CTNNA1: variants seen among roughly 807,000 people sequenced by gnomAD.
The protein encoded by CTNNA1 is catenin alpha-1.
In CTNNA1, 37 loss-of-function variants were observed where a neutral mutation model predicts 98.4. The ratio of observed to expected loss-of-function variants is 0.38; its 90% confidence interval spans 0.29 to 0.49. The LOEUF (loss-of-function observed/expected upper bound fraction) is 0.49, where lower values mean the gene tolerates loss of function less well. CTNNA1 is among the 20% of genes least tolerant of loss of function. The pLI, the probability that CTNNA1 is intolerant of heterozygous loss-of-function variation, is 0.95. For synonymous variants in CTNNA1, 404 were observed against 413.2 expected, an observed-to-expected ratio of 0.98 and a Z score of 0.27; for missense variants, 761 against 1,147.2, an observed-to-expected ratio of 0.66 and a Z score of 4.86.
chr5:138,921,683 C>CT (rs1343964490), intron 11 of CTNNA1, among the ~76,000 whole-genome samples: 1 of 143,448 alleles, frequency 7.0e-6, no homozygotes, highest in Non-Finnish European at 1.5e-5. Flanking sequence ...TCACTGCAGT[C>CT]TCTGCCTCCC....
At chr5:138,814,615 T>C (rs1561553402) in intron 5 of CTNNA1, among the ~76,000 whole-genome samples, 1 of 152,236 alleles carries the variant, frequency 6.6e-6, no homozygotes, top group East Asian at 1.9e-4. Context: ...AAAGATACAA[T>C]TTGGCAAATA....
rs375006246 is a variant in CTNNA1, at chr5:138,783,247, A to G, written c.176A>G (p.His59Arg). 4.3e-6 allele frequency: 7 copies of G among 1,614,064 alleles called. No individual in the cohort carries two copies. The highest frequency in any genetic ancestry group is 2.7e-5 in the African/African-American group (2 of 74,950). Residue 59 changes from histidine to arginine, a missense_variant, in exon 3 of 18, where the codon CAT (histidine) becomes CGT (arginine). By Grantham distance (29) the His-to-Arg change is conservative. Around this residue, in one of 6 missense-constraint regions of CTNNA1, gnomAD observed 328 missense variants for 354.3 expected, o/e 0.93. Coordinates refer to ENST00000302763, the MANE Select transcript of CTNNA1 (RefSeq NM_001903.5). The part of the protein sequence containing the change: ...NKKRGRSKKA[H>R]VLAASVEQAT... Reference sequence around the variant, plus strand: ...AAGAGAGGTCGTTCTAAGAAGGCCCATGTTTTGGCTGCATCTGTTGAACAA... The same window carrying G: ...AAGAGAGGTCGTTCTAAGAAGGCCCGTGTTTTGGCTGCATCTGTTGAACAA...
At chr5:138,911,787 G>T (rs192745669) in intron 10 of CTNNA1, among the ~76,000 whole-genome samples, 1 of 152,304 alleles carries the variant, frequency 6.6e-6, no homozygotes, top group African/African-American at 2.4e-5. Context: ...AAAACAGATG[G>T]TATTGTACTA....
chr5:138,871,281 G>A (rs1402355507), intron 7 of CTNNA1: 4 of 152,152 alleles, frequency 2.6e-5, no homozygotes, highest in African/African-American at 9.7e-5. Context: ...TCTACATACA[G>A]TAAATGGCAG....
At chr5:138,817,699 A>G (rs972875294) in intron 5 of CTNNA1, among the ~76,000 whole-genome samples, 5 of 151,828 alleles carry the variant, frequency 3.3e-5, no homozygotes, top group Admixed American at 2.6e-4. Flanking sequence ...AAATCTTTTG[A>G]AACTTTCTAT....
chr5:138,771,219 T>G (rs1028192580), intron 1 of CTNNA1, among the ~76,000 whole-genome samples: 3 of 151,966 alleles, frequency 2.0e-5, no homozygotes, highest in African/African-American at 4.8e-5. Context: ...AATTTTTTTT[T>G]TTTGTTTACT....
chr5:138,800,799 G>A (rs558338425), intron 3 of CTNNA1, among the ~76,000 whole-genome samples: 41 of 151,596 alleles, frequency 2.7e-4, no homozygotes, highest in Middle Eastern at 6.8e-3. Context: ...GCAAAACTCC[G>A]TCTAAAAAAA....
intron 9 of CTNNA1, among the ~76,000 whole-genome samples, chr5:138,890,926 C>T (rs976709662): frequency 6.6e-6 from 1 of 152,164 alleles, no homozygotes; most frequent in Non-Finnish European, 1.5e-5. Context: ...TATATAATAC[C>T]TCCCCATCTT....
intron 7 of CTNNA1, chr5:138,880,798 G>T (rs1298640482): frequency 9.5e-6 from 3 of 314,586 alleles, no homozygotes; most frequent in Non-Finnish European, 1.9e-5. Context: ...TGACCCAGTT[G>T]TCTAAATTTA....
chr5:138,839,652 A>T (rs896014540), intron 7 of CTNNA1, among the ~76,000 whole-genome samples: 3 of 152,150 alleles, frequency 2.0e-5, no homozygotes, highest in African/African-American at 7.2e-5. Flanking sequence ...TCCAACTTTA[A>T]TTGTAGATTC....
chr5:138,913,058 C>CT (rs35292208), intron 10 of CTNNA1, among the ~76,000 whole-genome samples: 46 of 146,266 alleles, frequency 3.1e-4, no homozygotes, highest in East Asian at 1.5e-3. Context: ...ACTGAAGTGA[C>CT]TTTTTTTTTT....
chr5:138,892,973 G>A (rs288009), intron 9 of CTNNA1, among the ~76,000 whole-genome samples: 39,213 of 152,002 alleles, frequency 0.26, 5,345 homozygotes, highest in Middle Eastern at 0.31. Flanking sequence ...CAGAGATCGC[G>A]CCGCTGCTCT....
intron 3 of CTNNA1, among the ~76,000 whole-genome samples, chr5:138,793,258 C>T (rs926616278): frequency 6.6e-6 from 1 of 152,208 alleles, no homozygotes; most frequent in Non-Finnish European, 1.5e-5. Flanking sequence ...GTCTGCCTGA[C>T]TTAAACTATA....
At position 138,763,566 on chromosome 5, in the gene CTNNA1, A is replaced by C. The variant is rs180776928; in HGVS notation, c.-3+10056A>C. On this transcript the variant is annotated intron_variant, in intron 1 of 17. Transcript: ENST00000302763. ...CCATATTGCTTAGGCTGATCTTTGAACTCCTGAACTCAAGCGATCTGCCCA... is the reference window on the plus strand; with the variant it reads ...CCATATTGCTTAGGCTGATCTTTGACCTCCTGAACTCAAGCGATCTGCCCA... Among the ~76,000 whole-genome samples the C allele has an allele frequency of 9.8e-4, 149 of 151,992 alleles. 1 individual carries two copies. The highest frequency in any genetic ancestry group is 3.1e-4 in the Non-Finnish European group (21 of 67,972).
At position 138,790,450 on chromosome 5, in the gene CTNNA1, C is replaced by T. The variant is rs151157641; in HGVS notation, c.301+7078C>T. 4.9e-3 allele frequency among the ~76,000 whole-genome samples: 747 copies of T among 152,260 alleles called. 6 individuals carry two copies. The highest frequency in any genetic ancestry group is 8.5e-3 in the Non-Finnish European group (577 of 68,030). On this transcript the variant is annotated intron_variant, in intron 3 of 17. Coordinates refer to ENST00000302763, the MANE Select transcript of CTNNA1 (RefSeq NM_001903.5). ...CCTTATTTTGTGTTCATTAATCACA[C>T]GTATTAATGTTTATTAATACATCTG... is the stretch of plus-strand genomic sequence containing the variant.
intron 7 of CTNNA1, among the ~76,000 whole-genome samples, chr5:138,829,906 C>T (rs934563640): frequency 6.6e-6 from 1 of 151,922 alleles, no homozygotes; most frequent in African/African-American, 2.4e-5. Flanking sequence ...AGAAAAATTA[C>T]CTGTAATCCC....
intron 7 of CTNNA1, among the ~76,000 whole-genome samples, chr5:138,838,786 TTTG>T (rs1762023395): frequency 6.6e-6 from 1 of 152,070 alleles, no homozygotes; most frequent in South Asian, 2.1e-4. Flanking sequence ...TTTTTATTTT[TTTG>T]TTGTTGTTTG....
chr5:138,782,588 CAT>C (rs1010357087), intron 2 of CTNNA1, among the ~76,000 whole-genome samples: 3 of 152,096 alleles, frequency 2.0e-5, no homozygotes, highest in Non-Finnish European at 2.9e-5. Flanking sequence ...TACACTATAA[CAT>C]ATATTCATCA....
chr5:138,803,674 C>G (rs1757801714), intron 3 of CTNNA1, among the ~76,000 whole-genome samples: 1 of 152,164 alleles, frequency 6.6e-6, no homozygotes, highest in African/African-American at 2.4e-5. Flanking sequence ...TCCTGTGATT[C>G]CTTTGTCAAG....
Sources: gnomAD v4.1 joint callset for allele counts (sites outside exome capture counted in the v4.1 genomes callset) on GRCh38, gnomAD v4.1.1 for gene constraint, gnomAD v4.1.1 regional missense constraint, MANE v1.5 for transcripts, NCBI Gene and HGNC (gene_info 2026-07-23, HGNC 2026-07-21) for gene names.